Variants in C6 observed in about 807,000 individuals in gnomAD.
C6 encodes the protein complement component C6.
Under a neutral mutation model 112.9 loss-of-function variants are expected in C6, and 101 were observed. The ratio of observed to expected loss-of-function variants is 0.89; its 90% CI spans 0.76 to 1.06. The LOEUF is 1.06. Among genes scored for constraint, C6 ranks in the 50% least tolerant of loss-of-function variants. C6 has a pLI of 0.00. For synonymous variants in C6, 431 were observed against 384.1 expected (o/e 1.12, Z -1.43); for missense variants, 1,202 against 1,104.6 (o/e 1.09, Z -1.25).
intron 3 of C6, among the ~76,000 whole-genome samples, chr5:41,200,891 GT>G (rs143443464): frequency 3.4e-3 from 239 of 70,624 alleles, no homozygotes; most frequent in African/African-American, 0.013. Flanking sequence ...TGTTGTTGTT[GT>G]TTTTTTTTTT....
chr5:41,174,824 GGA>G (rs1392814697), intron 8 of C6, among the ~76,000 whole-genome samples: 10 of 152,070 alleles, frequency 6.6e-5, no homozygotes, highest in African/African-American at 2.4e-4. Context: ...TGAGGTAAAG[GGA>G]GAGAGAATAG....
intron 1 of C6, among the ~76,000 whole-genome samples, chr5:41,253,750 A>C (rs1244394311): frequency 6.6e-6 from 1 of 152,204 alleles, no homozygotes; most frequent in Non-Finnish European, 1.5e-5. Flanking sequence ...TGTTTATATC[A>C]ACATCAACAA....
chr5:41,229,866 T>C (rs1019765113), intron 1 of C6, among the ~76,000 whole-genome samples: 1 of 152,188 alleles, frequency 6.6e-6, no homozygotes, highest in Non-Finnish European at 1.5e-5. Flanking sequence ...TGTTCTTTTG[T>C]TGTGGGAAGT....
intron 5 of C6, among the ~76,000 whole-genome samples, chr5:41,194,566 T>C (rs1750461985): frequency 6.6e-6 from 1 of 152,208 alleles, no homozygotes; most frequent in South Asian, 2.1e-4. Context: ...GTTTTCATAT[T>C]ATGCAACTCT....
At chr5:41,232,067 A>G (rs1222403442) in intron 1 of C6, among the ~76,000 whole-genome samples, 1 of 152,108 alleles carries the variant, frequency 6.6e-6, no homozygotes, top group East Asian at 1.9e-4. Context: ...TAGGACTCCT[A>G]ATTCATAGCT....
chr5:41,204,088 C>T (rs765501187), intron 1 of C6, among the ~76,000 whole-genome samples: 17 of 152,132 alleles, frequency 1.1e-4, no homozygotes, highest in African/African-American at 3.6e-4. Context: ...CCAGTTTAAT[C>T]GTTATATCCC....
At chr5:41,192,975 G>A (rs1405251456) in intron 5 of C6, among the ~76,000 whole-genome samples, 1 of 152,160 alleles carries the variant, frequency 6.6e-6, no homozygotes, top group East Asian at 1.9e-4. Flanking sequence ...GGTTATATAA[G>A]TCTTTGAATA....
chr5:41,178,503 G>GT lies in C6; in HGVS notation c.928-1789_928-1788insA, dbSNP rs777388911. Among the ~76,000 whole-genome samples the GT allele has an allele frequency of 5.9e-4, 78 of 132,132 alleles. 3 individuals carry two copies. The South Asian group carries it at 0.019, about 32-fold the overall frequency. The allele number at this position is 132,132 out of a possible 152,430, so 86.7% of individuals were successfully genotyped here. A position where few individuals can be genotyped will look rare whatever the true frequency, so the allele number is the denominator to read the frequency against. ...TTTTTTTTTGTGAGATGGAGACAGA[G>GT]CTAGCTCTGTCACCCAGGCTGGAGT... On this transcript the variant is annotated intron_variant, in intron 7 of 17. Coordinates refer to ENST00000337836, the MANE Select transcript of C6 (RefSeq NM_000065.5).
chr5:41,226,967 A>G (rs2150409514), intron 1 of C6, among the ~76,000 whole-genome samples: 1 of 152,266 alleles, frequency 6.6e-6, no homozygotes, highest in East Asian at 1.9e-4. Context: ...CTTTGGATGT[A>G]TACTCAATAA....
rs11363565 is a variant in C6 at position 41,242,894 on chromosome 5, T to TAA, written c.-21+18298_-21+18299dup. On this transcript the variant is annotated intron_variant, in intron 1 of 17. Transcript: ENST00000263413. ...GCTAAATGAAATAAGCCAAGTACAG[T>TAA]AAAAAAAAAAAAAAATACTGTGTGG... 3.5e-3 allele frequency among the ~76,000 whole-genome samples: 526 copies of TAA among 148,196 alleles called. 2 individuals are homozygous for TAA. Among genetic ancestry groups the TAA allele is most frequent in the African/African-American group, 0.013 (511 of 40,460 alleles).
intron 5 of C6, among the ~76,000 whole-genome samples, chr5:41,194,657 G>C (rs1580162085): frequency 6.6e-6 from 1 of 152,140 alleles, no homozygotes; most frequent in Non-Finnish European, 1.5e-5. Flanking sequence ...CTGCCTTCTG[G>C]CCAAAAATTT....
intron 1 of C6, among the ~76,000 whole-genome samples, chr5:41,250,586 G>C (rs919010390): frequency 6.6e-6 from 1 of 152,170 alleles, no homozygotes; most frequent in African/African-American, 2.4e-5. Context: ...GGCAGAGTTT[G>C]ATTTGGCTTC....
intron 1 of C6, among the ~76,000 whole-genome samples, chr5:41,204,406 A>G (rs1025034380): frequency 2.6e-5 from 4 of 152,168 alleles, no homozygotes; most frequent in Admixed American, 2.6e-4. Flanking sequence ...TTGGTCACAC[A>G]TTTTTAATAG....
chr5:41,194,305 A>G (rs937421848), intron 5 of C6, among the ~76,000 whole-genome samples: 1 of 152,188 alleles, frequency 6.6e-6, no homozygotes, highest in African/African-American at 2.4e-5. Context: ...GTCATCCAAC[A>G]TATAGATGAG....
chr5:41,150,762 C>T (rs1746311900), intron 15 of C6, among the ~76,000 whole-genome samples: 1 of 151,952 alleles, frequency 6.6e-6, no homozygotes, highest in Non-Finnish European at 1.5e-5. Context: ...TGGCATGCAC[C>T]TGTAGTCCCA....
At chr5:41,159,721 C>G (rs1747288120) in intron 11 of C6, among the ~76,000 whole-genome samples, 1 of 151,980 alleles carries the variant, frequency 6.6e-6, no homozygotes, top group Non-Finnish European at 1.5e-5. Flanking sequence ...TTGGTTGTGG[C>G]TTAATTTATT....
chr5:41,232,469 T>C lies in C6; in HGVS notation c.-21+28725A>G, dbSNP rs1030479660. The stretch of plus-strand genomic sequence containing the variant: ...CTTGATCAGTAAAGTATATTTTGCC[T>C]TGGATATTCTCTTTTTAATTTTAGC... On this transcript the variant is annotated intron_variant, in intron 1 of 17. Coordinates refer to the C6 transcript ENST00000263413. Among the ~76,000 whole-genome samples the C allele has an allele frequency of 1.1e-4, 17 of 152,262 alleles. No homozygotes were observed. The East Asian group carries it at 3.3e-3, about 29-fold the overall frequency.
At chr5:41,185,562 T>C (rs1215416204) in intron 6 of C6, among the ~76,000 whole-genome samples, 2 of 152,132 alleles carry the variant, frequency 1.3e-5, no homozygotes, top group Admixed American at 6.5e-5. Context: ...TATAATTTAC[T>C]AAAAGAAACA....
At chr5:41,170,630 G>A (rs1748349811) in intron 9 of C6, among the ~76,000 whole-genome samples, 2 of 151,908 alleles carry the variant, frequency 1.3e-5, no homozygotes, top group Non-Finnish European at 2.9e-5. Flanking sequence ...TTCTCATTTT[G>A]CTTATGCATA....
Sources: allele counts gnomAD v4.1 joint callset (sites outside exome capture counted in the v4.1 genomes callset), GRCh38; gene constraint gnomAD v4.1.1; transcripts MANE v1.5; gene names NCBI Gene and HGNC (gene_info 2026-07-23, HGNC 2026-07-21).